The following CYREN variants were observed in gnomAD, a reference collection of about 807,000 sequenced individuals.
The protein encoded by CYREN is cell cycle regulator of non-homologous end joining.
In CYREN, 7 loss-of-function variants were observed where a neutral mutation model predicts 9.7. The ratio of observed to expected loss-of-function variants is 0.72; its 90% CI spans 0.41 to 1.36. The LOEUF is 1.36. Among genes scored for constraint, CYREN ranks in the 40% most tolerant of loss-of-function variants. The pLI, the probability that CYREN is intolerant of heterozygous loss-of-function variation, is 0.01. For synonymous variants in CYREN, 76 were observed against 77.9 expected (o/e 0.98, Z 0.13); for missense variants, 215 against 198.1 (o/e 1.09, Z -0.51).
chr7:135,137,287 A>G (rs1829368019), intron 2 of CYREN, among the ~76,000 whole-genome samples: 1 of 152,112 alleles, frequency 6.6e-6, no homozygotes, highest in Non-Finnish European at 1.5e-5. Flanking sequence ...CCCAACAGGT[A>G]AGACACAACT....
At chr7:135,130,001 A>T (rs1175322786) in intron 2 of CYREN, among the ~76,000 whole-genome samples, 2 of 152,218 alleles carry the variant, frequency 1.3e-5, no homozygotes, top group African/African-American at 4.8e-5. Flanking sequence ...CCCAAGCTTT[A>T]CATAAGGAGA....
At chr7:135,162,324 G>A (rs1408960928), downstream of CYREN, among the ~76,000 whole-genome samples, 1 of 152,204 alleles carries the variant, frequency 6.6e-6, no homozygotes. Flanking sequence ...CCCTGCTGGG[G>A]CTTCCAGGAG....
At chr7:135,141,433 G>A (rs938827330) in intron 2 of CYREN, among the ~76,000 whole-genome samples, 1 of 151,822 alleles carries the variant, frequency 6.6e-6, no homozygotes, top group Non-Finnish European at 1.5e-5. Flanking sequence ...GTGTTTATTT[G>A]GATCTTCTCT....
chr7:135,117,329 C>A (rs927994844), intron 2 of CYREN, among the ~76,000 whole-genome samples: 15 of 151,198 alleles, frequency 9.9e-5, no homozygotes, highest in African/African-American at 3.2e-4. Flanking sequence ...CCACCTAGAC[C>A]CTATTCATTT....
rs111230612 is a variant in CYREN at position 135,148,547 on chromosome 7, C to T, written n.356+20202G>A. ...TAAGGCCAGTATAACTGGTTAGAAACGATGCAGGGCTGACTGCACACAGCA... is the reference window on the plus strand; with the variant it reads ...TAAGGCCAGTATAACTGGTTAGAAATGATGCAGGGCTGACTGCACACAGCA... On this transcript the variant is annotated intron_variant and non_coding_transcript_variant, in intron 2 of 2. Coordinates refer to the CYREN transcript ENST00000459937. 9.9e-3 allele frequency among the ~76,000 whole-genome samples: 1,515 copies of T among 152,284 alleles called. 20 individuals carry two copies. Among genetic ancestry groups the T allele is most frequent in the African/African-American group, 0.034 (1,414 of 41,542 alleles).
intron 2 of CYREN, among the ~76,000 whole-genome samples, chr7:135,156,441 A>G (rs1452797172): frequency 6.6e-6 from 1 of 151,960 alleles, no homozygotes; most frequent in Non-Finnish European, 1.5e-5. Context: ...GATTATTTCA[A>G]AAGTCCTGTC....
At chr7:135,110,426 G>A (rs1825458898) in intron 2 of CYREN, among the ~76,000 whole-genome samples, 1 of 152,150 alleles carries the variant, frequency 6.6e-6, no homozygotes, top group African/African-American at 2.4e-5. Flanking sequence ...CTGAGTAGCT[G>A]CTCTGCCAAG....
intron 2 of CYREN, among the ~76,000 whole-genome samples, chr7:135,131,472 C>A (rs552724375): frequency 2.0e-5 from 3 of 149,648 alleles, no homozygotes; most frequent in African/African-American, 7.4e-5. Flanking sequence ...AAAAAAAATT[C>A]TCAAAGGAAG....
At position 135,112,840 on chromosome 7, in the gene CYREN, C is replaced by G. The variant is rs768761516; in HGVS notation, n.357-18258G>C. Reference sequence around the variant, plus strand: ...TCACACAGGCTGGAGTGCAGTGATGCGATCTTGGCTCACTGCAACCTCCGC... The same window carrying G: ...TCACACAGGCTGGAGTGCAGTGATGGGATCTTGGCTCACTGCAACCTCCGC... On this transcript the variant is annotated intron_variant and non_coding_transcript_variant, in intron 2 of 2. Coordinates refer to the CYREN transcript ENST00000459937. Among the ~76,000 whole-genome samples, 10 of 152,206 alleles carry G rather than the reference C, an allele frequency of 6.6e-5. No individual in the cohort carries two copies. The East Asian group carries it at 9.7e-4, about 15-fold the overall frequency.
Position 135,169,006 on chromosome 7 carries a change from G to A in CYREN, c.-84C>T, listed in dbSNP as rs1830449612. 9.2e-6 allele frequency: 12 copies of A among 1,309,720 alleles called. No homozygotes were observed. The highest frequency in any genetic ancestry group is 1.1e-5 in the Non-Finnish European group (11 of 967,042). The allele number at this position is 1,309,720 out of a possible 1,614,324, so 81.1% of individuals were successfully genotyped here. A position where few individuals can be genotyped will look rare whatever the true frequency, so the allele number is the denominator to read the frequency against. On this transcript the variant is annotated 5_prime_UTR_variant, in exon 2 of 4. The change creates a new upstream start codon in the 5' untranslated region. Transcript: ENST00000393114. ...TCAGGAAGGTAAATCTCGTTCTCTC[G>A]TCACACCCGGAATTACAGGTCCATT...
chr7:135,171,779 A>AAGCCCTGTGG (rs1392604330), upstream of CYREN, among the ~76,000 whole-genome samples: 1 of 99,892 alleles, frequency 1.0e-5, no homozygotes, highest in Non-Finnish European at 2.3e-5. Flanking sequence ...GGTGACTGAC[A>AAGCCCTGTGG]AGCCCTGTGG....
intron 2 of CYREN, among the ~76,000 whole-genome samples, chr7:135,114,510 C>T (rs1826049367): frequency 7.7e-5 from 1 of 13,048 alleles, no homozygotes; most frequent in African/African-American, 8.5e-5. Context: ...ACATGCTCTT[C>T]CCAGTCTCCC....
chr7:135,148,125 C>T (rs997256729), intron 2 of CYREN: 1 of 454,180 alleles, frequency 2.2e-6, no homozygotes, highest in African/African-American at 2.0e-5. Context: ...CAGCTCAGGA[C>T]TGCATCTGCC....
chr7:135,123,353 T>C (rs527501295), intron 2 of CYREN, among the ~76,000 whole-genome samples: 4 of 151,930 alleles, frequency 2.6e-5, no homozygotes, highest in South Asian at 2.1e-4. Flanking sequence ...GAAAAAAGAA[T>C]AAAAAGGAAT....
rs138972536 is a variant in CYREN, at chr7:135,150,831, G to T, written n.356+17918C>A. Among the ~76,000 whole-genome samples, 191 of 152,310 alleles carry T rather than the reference G, an allele frequency of 1.3e-3. 1 individual carries two copies. Among genetic ancestry groups the T allele is most frequent in the African/African-American group, 4.4e-3 (183 of 41,560 alleles). On this transcript the variant is annotated intron_variant and non_coding_transcript_variant, in intron 2 of 2. Transcript: ENST00000459937. ...AGATGGTGCCACTGCATTCCACCCT[G>T]GGTGACAGAGCAAGACTGTCTCAAA...
intron 2 of CYREN, among the ~76,000 whole-genome samples, chr7:135,103,465 T>G (rs1262490194): frequency 2.0e-5 from 3 of 152,184 alleles, no homozygotes; most frequent in Non-Finnish European, 4.4e-5. Context: ...GTTTCTTTAT[T>G]TTCTTAATAT....
At chr7:135,133,552 G>A (rs1302010191) in intron 2 of CYREN, among the ~76,000 whole-genome samples, 1 of 152,152 alleles carries the variant, frequency 6.6e-6, no homozygotes, top group Non-Finnish European at 1.5e-5. Flanking sequence ...AATCAAGACA[G>A]TAGTATTAGA....
intron 2 of CYREN, among the ~76,000 whole-genome samples, chr7:135,121,619 A>C (rs1039241520): frequency 3.9e-5 from 6 of 152,212 alleles, no homozygotes; most frequent in Non-Finnish European, 8.8e-5. Flanking sequence ...CGTGAGTCAA[A>C]AATATTCTCT....
chr7:135,103,893 G>A (rs1466013279), intron 2 of CYREN, among the ~76,000 whole-genome samples: 1 of 151,716 alleles, frequency 6.6e-6, no homozygotes, highest in African/African-American at 2.4e-5. Flanking sequence ...TTTTTTTAAT[G>A]TAAGGATGTT....
Sources: allele counts gnomAD v4.1 joint callset (sites outside exome capture counted in the v4.1 genomes callset), GRCh38; gene constraint gnomAD v4.1.1; transcripts MANE v1.5; gene names NCBI Gene and HGNC (gene_info 2026-07-23, HGNC 2026-07-21).